DTNB: variants seen among roughly 807,000 people sequenced by gnomAD.
The protein encoded by DTNB is dystrobrevin beta, also known as DTN-B.
In DTNB, 63 loss-of-function variants were observed where a neutral mutation model predicts 90.7. That is an observed-to-expected ratio of 0.69 (90% CI 0.57 to 0.86). DTNB has a LOEUF of 0.86. Ranked by LOEUF, DTNB falls within the 40% of genes least tolerant of loss-of-function variation. The probability of loss-of-function intolerance (pLI) is 0.00; values close to 1 mark genes in which losing one functional copy is unlikely to be tolerated. For synonymous variants in DTNB, 277 were observed against 286.7 expected, an observed-to-expected ratio of 0.97 and a Z score of 0.34; for missense variants, 744 against 807.1, an observed-to-expected ratio of 0.92 and a Z score of 0.95.
intron 4 of DTNB, 132 bp from the exon 5 acceptor site, chr2:25,607,453 A>T: frequency 1.2e-6 from 1 of 856,252 alleles, no homozygotes; most frequent in South Asian, 2.5e-5. Context: ...ACATTTAGAA[A>T]CCCTGGATTT....
chr2:25,418,568 G>GC (rs1558437548), intron 16 of DTNB, among the ~76,000 whole-genome samples: 1 of 151,860 alleles, frequency 6.6e-6, no homozygotes, highest in East Asian at 1.9e-4. Flanking sequence ...GTGTGGTGGT[G>GC]CGTGACTGTA....
chr2:25,638,459 G>A (rs910271711), intron 3 of DTNB, among the ~76,000 whole-genome samples: 4 of 152,066 alleles, frequency 2.6e-5, no homozygotes, highest in African/African-American at 9.7e-5. Context: ...ACACAAACAC[G>A]AGAAAAGTAC....
chr2:25,407,229 T>C (rs1262003497), intron 16 of DTNB, among the ~76,000 whole-genome samples: 3 of 152,174 alleles, frequency 2.0e-5, no homozygotes, highest in African/African-American at 7.2e-5. Flanking sequence ...AGATACCACC[T>C]TACCCCTGCA....
At chr2:25,432,291 T>G (rs1486593881) in intron 14 of DTNB, among the ~76,000 whole-genome samples, 1 of 151,460 alleles carries the variant, frequency 6.6e-6, no homozygotes, top group South Asian at 2.1e-4. Context: ...ATGGATCAGA[T>G]CACTTCTGTG....
At chr2:25,587,836 A>G (rs1235140365) in intron 6 of DTNB, among the ~76,000 whole-genome samples, 5 of 152,138 alleles carry the variant, frequency 3.3e-5, no homozygotes, top group Admixed American at 6.5e-5. Context: ...AATAAAACCC[A>G]TTCTACACCC....
intron 9 of DTNB, among the ~76,000 whole-genome samples, chr2:25,518,786 C>T (rs1425128284): frequency 3.9e-5 from 6 of 152,102 alleles, no homozygotes; most frequent in Non-Finnish European, 7.3e-5. Context: ...CAGCCTGAAA[C>T]GGAGCAAAAC....
chr2:25,563,674 CCA>C (rs55982007), intron 8 of DTNB, among the ~76,000 whole-genome samples: 44,284 of 151,854 alleles, frequency 0.29, 7,386 homozygotes, highest in East Asian at 0.5. Flanking sequence ...CTGTGAATAT[CCA>C]GTTGTTGTCT....
chr2:25,585,336 C>G (rs2062187271), intron 6 of DTNB, among the ~76,000 whole-genome samples: 2 of 152,148 alleles, frequency 1.3e-5, no homozygotes, highest in Admixed American at 6.5e-5. Context: ...GCTGCCTGAT[C>G]CACTGAGCGA....
At chr2:25,524,332 T>C (rs1285456850) in intron 9 of DTNB, among the ~76,000 whole-genome samples, 1 of 151,152 alleles carries the variant, frequency 6.6e-6, no homozygotes, top group Admixed American at 6.6e-5. Context: ...CCTCAAAAGT[T>C]ATCTAGTCAA....
chr2:25,603,732 T>C (rs963994094), intron 5 of DTNB, among the ~76,000 whole-genome samples: 2 of 151,658 alleles, frequency 1.3e-5, no homozygotes, highest in Non-Finnish European at 2.9e-5. Flanking sequence ...GGAGCATTAA[T>C]AGAGGTAACA....
At chr2:25,388,068 T>C in intron 17 of DTNB, 134 bp downstream of exon 17, 1 of 1,433,844 alleles carries the variant, frequency 7.0e-7, no homozygotes, top group Non-Finnish European at 9.3e-7. Context: ...ACCTGACTTA[T>C]TTACACTGTC....
intron 16 of DTNB, among the ~76,000 whole-genome samples, chr2:25,413,430 G>A (rs1389654874): frequency 2.4e-5 from 2 of 83,698 alleles, no homozygotes; most frequent in South Asian, 3.7e-4. Flanking sequence ...CCCACCCCAC[G>A]ACAGGCCCCG....
chr2:25,612,094 T>C (rs1247345699), intron 4 of DTNB, among the ~76,000 whole-genome samples: 12 of 152,190 alleles, frequency 7.9e-5, no homozygotes, highest in Admixed American at 7.9e-4. Flanking sequence ...TGTTTTTGAA[T>C]GTGCATATTC....
rs2038713785 is a variant in DTNB at position 25,384,034 on chromosome 2, C to T, written c.1826-145G>A. ...AGGCCTCTGAGGGTGCTTCAGCTCA[C>T]CAGTCTGCACTTGTGCGGCCCACGC... On this transcript the variant is annotated intron_variant, in intron 18 of 20. Transcript: ENST00000406818. 3 of 1,531,130 alleles carry T rather than the reference C, an allele frequency of 2.0e-6. No homozygotes were observed. In the South Asian group the frequency reaches 3.8e-5, roughly 19 times the overall value. The allele number at this position is 1,531,130 out of a possible 1,614,324, so 94.8% of individuals were successfully genotyped here. A position where few individuals can be genotyped will look rare whatever the true frequency, so the allele number is the denominator to read the frequency against.
chr2:25,397,870 A>T (rs1238818810), intron 16 of DTNB, among the ~76,000 whole-genome samples: 1 of 133,280 alleles, frequency 7.5e-6, no homozygotes, highest in Non-Finnish European at 1.6e-5. Context: ...ACAGAGCAAG[A>T]CTGTCTCAAA....
chr2:25,546,029 G>T (rs1191648808), intron 8 of DTNB, among the ~76,000 whole-genome samples: 1 of 152,210 alleles, frequency 6.6e-6, no homozygotes, highest in African/African-American at 2.4e-5. Context: ...CCATTTGCTG[G>T]CTAGAGGTCA....
chr2:25,406,432 G>A (rs2045194884), intron 16 of DTNB, among the ~76,000 whole-genome samples: 2 of 151,852 alleles, frequency 1.3e-5, no homozygotes, highest in Non-Finnish European at 2.9e-5. Flanking sequence ...CTGCTTGGGA[G>A]GCTGAGGCAG....
At chr2:25,430,218 T>G (rs1209408549) in intron 14 of DTNB, among the ~76,000 whole-genome samples, 2 of 152,182 alleles carry the variant, frequency 1.3e-5, no homozygotes, top group Non-Finnish European at 2.9e-5. Flanking sequence ...TTTATTGACA[T>G]TGCACAATAT....
chr2:25,531,961 T>C (rs2078289553), intron 8 of DTNB, among the ~76,000 whole-genome samples: 1 of 152,168 alleles, frequency 6.6e-6, no homozygotes, highest in South Asian at 2.1e-4. Context: ...AACTTTTTGA[T>C]GGAGGCCAGG....
Sources: gnomAD v4.1 joint callset for allele counts (sites outside exome capture counted in the v4.1 genomes callset) on GRCh38, gnomAD v4.1.1 for gene constraint, MANE v1.5 for transcripts, NCBI Gene and HGNC (gene_info 2026-07-23, HGNC 2026-07-21) for gene names.